Variants in PCDHGA4 observed in about 807,000 individuals in gnomAD.
PCDHGA4 encodes protocadherin gamma-A4.
In PCDHGA4, 38 loss-of-function variants were observed where a neutral mutation model predicts 54.6. The ratio of observed to expected loss-of-function variants is 0.70; its 90% confidence interval spans 0.54 to 0.91. The LOEUF (loss-of-function observed/expected upper bound fraction) is 0.91, where lower values mean the gene tolerates loss of function less well. PCDHGA4 is among the 40% of genes least tolerant of loss of function. The pLI is 0.00. For missense variants in PCDHGA4, 1,298 were observed against 1,220.9 expected, an observed-to-expected ratio of 1.06 and a Z score of -0.94; for synonymous variants, 511 against 512.9, an observed-to-expected ratio of 1.00 and a Z score of 0.05.
chr5:141,389,144 T>C, intron 1 of PCDHGA4: 1 of 1,614,020 alleles, frequency 6.2e-7, no homozygotes, highest in Non-Finnish European at 8.5e-7. Flanking sequence ...ATATAACCGT[T>C]ACGGCAACAG....
chr5:141,440,328 T>G (rs1311315077), intron 1 of PCDHGA4: 1 of 152,102 alleles, frequency 6.6e-6, no homozygotes. Context: ...TTACTGGGCA[T>G]GGTGGTGCAG....
rs1561508672 is a variant in PCDHGA4, at chr5:141,355,386, C to A, written c.279C>A (p.Arg93=). 1 of 1,614,032 alleles carries A rather than the reference C, an allele frequency of 6.2e-7. No individual in the cohort carries two copies. ...LGLAPRELAE[R]GVRIVSRGRT... ...TGGCGCCCCGGGAGCTGGCGGAGCG[C>A]GGAGTCCGCATCGTCTCCAGAGGTA... Residue 93 remains arginine, a synonymous_variant, in exon 1 of 4, where the codon CGC becomes CGA. Coordinates refer to ENST00000571252, the MANE Select transcript of PCDHGA4 (RefSeq NM_018917.4).
At chr5:141,484,620 C>G (rs536622819) in intron 1 of PCDHGA4, among the ~76,000 whole-genome samples, 25 of 151,974 alleles carry the variant, frequency 1.6e-4, no homozygotes, top group African/African-American at 6.0e-4. Flanking sequence ...ACAACACTGG[C>G]TTGAACAAAG....
intron 1 of PCDHGA4, chr5:141,433,023 A>C: frequency 6.2e-7 from 1 of 1,614,084 alleles, no homozygotes; most frequent in East Asian, 2.2e-5. Context: ...ACCTATTCCC[A>C]CGAGGTTTCC....
chr5:141,418,478 G>C (rs777772131), intron 1 of PCDHGA4: 1 of 1,613,976 alleles, frequency 6.2e-7, no homozygotes, highest in Non-Finnish European at 8.5e-7. Context: ...AACGCAGAGC[G>C]CTCACCACTT....
At chr5:141,366,209 C>A (rs371864119) in intron 1 of PCDHGA4, 11 of 1,613,698 alleles carry the variant, frequency 6.8e-6, no homozygotes, top group African/African-American at 1.3e-5. Flanking sequence ...GGGCGAGGTG[C>A]GCACAGCGCG....
Position 141,364,550 on chromosome 5 carries a change from C to A in PCDHGA4, c.2514+6929C>A, listed in dbSNP as rs1257524038. On this transcript the variant is annotated intron_variant, in intron 1 of 3. Coordinates refer to ENST00000571252, the MANE Select transcript of PCDHGA4 (RefSeq NM_018917.4). ...CATCGTCTCCAGAGGTAGGACGCAG[C>A]TTTTTGCCCTGAACCCGCGAAGCGG... The A allele has an allele frequency of 3.1e-6, 5 of 1,613,922 alleles. No homozygotes were observed. The Admixed American group carries it at 5.0e-5, about 16-fold the overall frequency.
At chr5:141,419,602 C>G (rs757423030) in intron 1 of PCDHGA4, 3 of 1,611,874 alleles carry the variant, frequency 1.9e-6, no homozygotes, top group African/African-American at 2.7e-5. Context: ...TGCCGCGGGC[C>G]GCGCAGCCAG....
At chr5:141,427,396 A>G (rs1303085720) in intron 1 of PCDHGA4, 1 of 460,578 alleles carries the variant, frequency 2.2e-6, no homozygotes, top group Non-Finnish European at 4.4e-6. Context: ...AAAACACATG[A>G]TAAAGATTCG....
intron 1 of PCDHGA4, chr5:141,389,566 T>G: frequency 6.2e-7 from 1 of 1,613,278 alleles, no homozygotes; most frequent in Non-Finnish European, 8.5e-7. Context: ...CCACGGGTGC[T>G]GTACCCCGCG....
rs568472427 is a variant in PCDHGA4, at chr5:141,460,924, A to G, written c.2515-33883A>G. 3.3e-4 allele frequency among the ~76,000 whole-genome samples: 50 copies of G among 150,592 alleles called. No homozygotes were observed. The East Asian group carries it at 6.6e-3, about 20-fold the overall frequency. Reference sequence around the variant, plus strand: ...AATATTCCATGGTGTATATATATATATGTGTGTGTGTATATATATGTATTA... The same window carrying G: ...AATATTCCATGGTGTATATATATATGTGTGTGTGTGTATATATATGTATTA... On this transcript the variant is annotated intron_variant, in intron 1 of 3. Coordinates refer to ENST00000571252, the MANE Select transcript of PCDHGA4 (RefSeq NM_018917.4).
intron 1 of PCDHGA4, chr5:141,440,405 CCACTG>C (rs2098176019): frequency 6.6e-6 from 1 of 152,126 alleles, no homozygotes; most frequent in South Asian, 2.1e-4. Flanking sequence ...GGCAATCGCA[CCACTG>C]CACTCCAGCC....
chr5:141,371,006 G>T, intron 1 of PCDHGA4: 1 of 1,613,750 alleles, frequency 6.2e-7, no homozygotes, highest in Non-Finnish European at 8.5e-7. Context: ...ACAGGGAAGA[G>T]CAGCCACATC....
intron 3 of PCDHGA4, among the ~76,000 whole-genome samples, chr5:141,508,738 A>C (rs1596171196): frequency 7.1e-5 from 10 of 141,304 alleles, no homozygotes; most frequent in Admixed American, 1.4e-4. Context: ...TACACCCCCC[A>C]CCCCGCTCTT....
intron 1 of PCDHGA4, chr5:141,404,337 C>CG (rs1376523964): frequency 1.9e-6 from 3 of 1,613,784 alleles, no homozygotes; most frequent in Non-Finnish European, 2.5e-6. Context: ...GTCTACCTCC[C>CG]GGAAAACAAC....
In PCDHGA4 at chr5:141,355,177, A is replaced by T. The variant is rs373402171; in HGVS notation, c.70A>T (p.Arg24Trp). 1.9e-6 allele frequency: 3 copies of T among 1,579,772 alleles called. No homozygotes were observed. Among genetic ancestry groups the T allele is most frequent in the Non-Finnish European group, 2.6e-6 (3 of 1,162,830 alleles). The change falls in exon 1 of 4, where the codon AGG becomes TGG. Residue 24 changes from arginine to tryptophan, a missense_variant. By Grantham distance (101) the Arg-to-Trp change is moderately radical (BLOSUM62 -3). Coordinates refer to ENST00000571252, the MANE Select transcript of PCDHGA4 (RefSeq NM_018917.4). ...CTCGACAGAGGGAAAACCGAAGCAC[A>T]GGCGACTCCGCGGCGGGGTTGTAAT... is the stretch of plus-strand genomic sequence containing the variant. ...QASTEGKPKH[R>W]RLRGGVVMAA...
At chr5:141,418,392 T>C (rs753094664) in intron 1 of PCDHGA4, 1 of 1,613,996 alleles carries the variant, frequency 6.2e-7, no homozygotes, top group Non-Finnish European at 8.5e-7. Context: ...AACGAGTATT[T>C]CTCATTGGTG....
chr5:141,419,075 A>G, intron 1 of PCDHGA4: 1 of 1,613,968 alleles, frequency 6.2e-7, no homozygotes, highest in Non-Finnish European at 8.5e-7. Context: ...CAAGCTAGTA[A>G]CAGATGAGGC....
rs770828917 is a variant in PCDHGA4 at position 141,431,306 on chromosome 5, C to G, written c.2515-63501C>G. ...GAACACTCACTTCTCCCTCATCGTG[C>G]AAAATGGAGCCGACGGTAGTAAGTA... On this transcript the variant is annotated intron_variant, in intron 1 of 3. Transcript: ENST00000571252. The surrounding 1 kb of genome is among the most constrained non-coding windows in gnomAD (Gnocchi z 4.8). 6.2e-7 allele frequency: 1 copy of G among 1,614,124 alleles called. No homozygotes were observed. The highest frequency in any genetic ancestry group is 2.2e-5 in the East Asian group (1 of 44,878).
Sources: allele counts gnomAD v4.1 joint callset (sites outside exome capture counted in the v4.1 genomes callset), GRCh38; gene constraint gnomAD v4.1.1; non-coding constraint Gnocchi (gnomAD v3.1); transcripts MANE v1.5; gene names NCBI Gene and HGNC (gene_info 2026-07-23, HGNC 2026-07-21).